Variants in DNAH6 observed in about 807,000 individuals in gnomAD.
The protein encoded by DNAH6 is dynein axonemal heavy chain 6.
Under a neutral mutation model 491.4 loss-of-function variants are expected in DNAH6, and 340 were observed. The ratio of observed to expected loss-of-function variants is 0.69; its 90% CI spans 0.63 to 0.76. The LOEUF (loss-of-function observed/expected upper bound fraction) is 0.76. DNAH6 is among the 30% of genes least tolerant of loss of function. DNAH6 has a pLI of 0.00. For synonymous variants in DNAH6, 1,603 were observed against 1,686.1 expected, an observed-to-expected ratio of 0.95 and a Z score of 1.21; for missense variants, 4,443 against 4,972.2, an observed-to-expected ratio of 0.89 and a Z score of 3.20.
chr2:84,624,949 G>C lies in DNAH6; in HGVS notation c.4401G>C (p.Gly1467=). ...CLMGALQLDL[G]GAPAGPAGTG... ...TGGGAGCTTTGCAGCTTGACCTTGG[G>C]GGTGCACCAGCTGGTCCTGCTGGCA... The change falls in exon 29 of 77, where the codon GGG becomes GGC. Residue 1467 remains glycine (G), a synonymous_variant. Coordinates refer to ENST00000389394, the MANE Select transcript of DNAH6 (RefSeq NM_001370.2). 1 of 1,551,634 alleles carries C rather than the reference G, an allele frequency of 6.4e-7. No individual in the cohort carries two copies. Among genetic ancestry groups the C allele is most frequent in the African/African-American group, 1.4e-5 (1 of 73,140 alleles).
At chr2:84,786,662 T>C (rs963023664) in intron 67 of DNAH6, among the ~76,000 whole-genome samples, 5 of 151,964 alleles carry the variant, frequency 3.3e-5, no homozygotes, top group African/African-American at 4.8e-5. Flanking sequence ...GAAATTAAGG[T>C]AGGATAGGGA....
chr2:84,554,208 A>C (rs1422990031), intron 10 of DNAH6, among the ~76,000 whole-genome samples: 1 of 152,224 alleles, frequency 6.6e-6, no homozygotes, highest in African/African-American at 2.4e-5. Flanking sequence ...ATTCAGTCAC[A>C]TCTATCAAGG....
chr2:84,622,717 G>T (rs1342910254), intron 26 of DNAH6, among the ~76,000 whole-genome samples: 1 of 152,170 alleles, frequency 6.6e-6, no homozygotes, highest in Non-Finnish European at 1.5e-5. Context: ...GGGTCATATG[G>T]TAGTTCCATT....
At chr2:84,793,599 G>A (rs536438650) in intron 68 of DNAH6, among the ~76,000 whole-genome samples, 3 of 152,280 alleles carry the variant, frequency 2.0e-5, no homozygotes, top group East Asian at 3.9e-4. Context: ...ATGGACCCAC[G>A]ACAGAGATTT....
At chr2:84,793,594 C>T (rs908656078) in intron 68 of DNAH6, among the ~76,000 whole-genome samples, 1 of 152,180 alleles carries the variant, frequency 6.6e-6, no homozygotes, top group Non-Finnish European at 1.5e-5. Flanking sequence ...ATTAGATGGA[C>T]CCACGACAGA....
chr2:84,736,299 T>C (rs1484187646), intron 62 of DNAH6, among the ~76,000 whole-genome samples: 2 of 152,158 alleles, frequency 1.3e-5, no homozygotes, highest in Non-Finnish European at 2.9e-5. Flanking sequence ...CTTTGTCCTT[T>C]TTTACTAGGA....
At chr2:84,591,271 A>G (rs1684083345) in intron 16 of DNAH6, among the ~76,000 whole-genome samples, 2 of 152,350 alleles carry the variant, frequency 1.3e-5, no homozygotes, top group South Asian at 2.1e-4. Context: ...TACAAAATCA[A>G]CTTACGTGAA....
intron 54 of DNAH6, 136 bp from the exon 55 acceptor site, chr2:84,709,207 A>G (rs1457773140): frequency 3.5e-6 from 3 of 846,728 alleles, no homozygotes; most frequent in South Asian, 1.6e-5. Flanking sequence ...CCATGCTCTG[A>G]TGCAAGCACA....
Position 84,707,565 on chromosome 2 carries a change from A to T in DNAH6, c.8897A>T (p.Lys2966Met). The T allele has an allele frequency of 1.9e-6, 3 of 1,552,026 alleles. No homozygotes were observed. Among genetic ancestry groups the T allele is most frequent in the Non-Finnish European group, 2.6e-6 (3 of 1,147,042 alleles). The stretch of plus-strand genomic sequence containing the variant: ...AAAGCACGTCTAGTACGTGCTGGAA[A>T]GCTGACAGCAGCATTAGAAGATGAG... Reference protein sequence around the residue: ...LTKARLVRAGKLTAALEDEQV... With the variant: ...LTKARLVRAGMLTAALEDEQV... The change falls in exon 54 of 77, where the codon AAG (lysine) becomes ATG (methionine). Residue 2966 changes from lysine to methionine, a missense_variant. Around this residue, in one of 3 missense-constraint regions of DNAH6, gnomAD observed 1,463 missense variants for 1,656.6 expected, o/e 0.88. Transcript: ENST00000389394.
chr2:84,796,238 T>G, intron 68 of DNAH6, 68 bp from the exon 69 acceptor site: 3 of 1,090,356 alleles, frequency 2.8e-6, no homozygotes, highest in East Asian at 5.5e-5. Flanking sequence ...CATTAAAAAT[T>G]TAAAATTAGG....
chr2:84,604,638 T>G (rs750944774), intron 19 of DNAH6, 87 bp downstream of exon 19: 3 of 1,038,492 alleles, frequency 2.9e-6, no homozygotes, highest in African/African-American at 1.6e-5. Flanking sequence ...GATGTTTTTT[T>G]CAACGTTGCA....
At chr2:84,608,714 A>AG (rs1401554502) in intron 21 of DNAH6, among the ~76,000 whole-genome samples, 1 of 46,896 alleles carries the variant, frequency 2.1e-5, no homozygotes, top group African/African-American at 3.3e-5. Context: ...AAGGGCCTTG[A>AG]GATTTTTTGA....
At chr2:84,623,247 T>C (rs560367369) in intron 26 of DNAH6, among the ~76,000 whole-genome samples, 2 of 152,244 alleles carry the variant, frequency 1.3e-5, no homozygotes, top group African/African-American at 4.8e-5. Context: ...ATCAATGGGA[T>C]TGCATCAAAC....
In DNAH6 at chr2:84,525,755, C is replaced by T; in HGVS notation, c.399+17C>T. On this transcript the variant is annotated intron_variant, in intron 3 of 76. Transcript: ENST00000389394. ...AAAATGCAGGTATAATATTAAAATACTTAATTGATTCTTTTAACTTAATTT... is the reference window on the plus strand; with the variant it reads ...AAAATGCAGGTATAATATTAAAATATTTAATTGATTCTTTTAACTTAATTT... 1 of 1,506,944 alleles carries T rather than the reference C, an allele frequency of 6.6e-7. No individual in the cohort carries two copies. The highest frequency in any genetic ancestry group is 8.9e-7 in the Non-Finnish European group (1 of 1,120,820). 93.3% of individuals were successfully genotyped at this position (1,506,944 alleles called of 1,614,324 possible). A position where few individuals can be genotyped will look rare whatever the true frequency, so the allele number is the denominator to read the frequency against.
chr2:84,472,303 T>C, the DNAH6 span, among the ~76,000 whole-genome samples: 61 of 151,990 alleles, frequency 4.0e-4, no homozygotes, highest in East Asian at 0.012. Flanking sequence ...ATGGGCAATA[T>C]TCCGTTGTTG....
intron 61 of DNAH6, among the ~76,000 whole-genome samples, chr2:84,728,885 A>T (rs1186789234): frequency 2.0e-5 from 3 of 151,754 alleles, no homozygotes; most frequent in Non-Finnish European, 4.4e-5. Context: ...TCTCTGCTCC[A>T]CTCTAAATTC....
intron 63 of DNAH6, among the ~76,000 whole-genome samples, chr2:84,745,665 C>CAAA (rs34589141): frequency 1.6e-5 from 1 of 61,922 alleles, no homozygotes; most frequent in African/African-American, 5.4e-5. Context: ...GACACTGTCT[C>CAAA]AAAAAAAAAA....
intron 11 of DNAH6, among the ~76,000 whole-genome samples, chr2:84,571,293 A>G (rs544649027): frequency 6.6e-6 from 1 of 152,320 alleles, no homozygotes; most frequent in African/African-American, 2.4e-5. Context: ...CAAAAGTATA[A>G]TAAGAAATGG....
At chr2:84,789,590 C>T (rs1471049324) in intron 68 of DNAH6, among the ~76,000 whole-genome samples, 1 of 152,176 alleles carries the variant, frequency 6.6e-6, no homozygotes, top group East Asian at 1.9e-4. Context: ...AAGCTCATGG[C>T]AACAGTTTTT....
Sources: gnomAD v4.1 joint callset for allele counts (sites outside exome capture counted in the v4.1 genomes callset) on GRCh38, gnomAD v4.1.1 for gene constraint, gnomAD v4.1.1 regional missense constraint, MANE v1.5 for transcripts, NCBI Gene and HGNC (gene_info 2026-07-23, HGNC 2026-07-21) for gene names.